Variants in PIP5K1C observed in about 807,000 individuals in gnomAD.
The protein encoded by PIP5K1C is phosphatidylinositol-4-phosphate 5-kinase type 1 gamma.
A neutral mutation model predicts 80.1 loss-of-function variants in PIP5K1C; 45 were observed. The observed-to-expected ratio is 0.56, with a 90% CI of 0.44 to 0.72. The LOEUF (loss-of-function observed/expected upper bound fraction) is 0.72, where lower values mean the gene tolerates loss of function less well. Among genes scored for constraint, PIP5K1C ranks in the 30% least tolerant of loss-of-function variants. The pLI is 0.00. For missense variants in PIP5K1C, 753 were observed against 954.6 expected (o/e 0.79, Z 2.78); for synonymous variants, 498 against 420.1 (o/e 1.19, Z -2.27).
At chr19:3,691,383 G>A (rs1018034639) in intron 1 of PIP5K1C, among the ~76,000 whole-genome samples, 9 of 152,152 alleles carry the variant, frequency 5.9e-5, no homozygotes, top group South Asian at 2.1e-4. Context: ...ATTCCTAAAC[G>A]TTGCAAACGG....
chr19:3,678,464 GGAT>G (rs2035472052), intron 1 of PIP5K1C, among the ~76,000 whole-genome samples: 3 of 129,986 alleles, frequency 2.3e-5, no homozygotes, highest in African/African-American at 2.9e-5. Context: ...GAGGGATGGA[GGAT>G]GGAGGGATGG....
intron 1 of PIP5K1C, among the ~76,000 whole-genome samples, chr19:3,685,326 T>C (rs947295409): frequency 6.6e-6 from 1 of 152,100 alleles, no homozygotes; most frequent in Non-Finnish European, 1.5e-5. Flanking sequence ...TCGGCACAGG[T>C]AAAAAGACAG....
chr19:3,694,990 G>A (rs1301743762), intron 1 of PIP5K1C, among the ~76,000 whole-genome samples: 3 of 152,268 alleles, frequency 2.0e-5, no homozygotes, highest in Admixed American at 6.5e-5. Context: ...CCGCTGCAGC[G>A]TGGGGGCCAC....
chr19:3,638,944 C>T lies in PIP5K1C; in HGVS notation c.1860G>A (p.Glu620=). 3 of 1,612,412 alleles carry T rather than the reference C, an allele frequency of 1.9e-6. No homozygotes were observed. Among genetic ancestry groups the T allele is most frequent in the Non-Finnish European group, 2.5e-6 (3 of 1,179,904 alleles). ...CCGAGGCCTGGCTGGCAGGTGCGCC[C>T]TCCTCGTCTGAGGCCTGGCTGGCAG... ...VETASQASDE[E]GAPASQASDE... Residue 620 remains glutamate (E), a synonymous_variant, in exon 16 of 18, where the codon GAG becomes GAA. Transcript: ENST00000335312.
chr19:3,677,901 G>A (rs983659513), intron 1 of PIP5K1C, among the ~76,000 whole-genome samples: 1 of 101,680 alleles, frequency 9.8e-6, no homozygotes, highest in Non-Finnish European at 2.1e-5. Flanking sequence ...AGGGATGGAG[G>A]AGGGATGGAG....
chr19:3,686,534 C>A (rs1331625817), intron 1 of PIP5K1C, among the ~76,000 whole-genome samples: 2 of 150,006 alleles, frequency 1.3e-5, no homozygotes, highest in East Asian at 4.0e-4. Flanking sequence ...GTCTGACCAA[C>A]ATGGAGAAAC....
chr19:3,671,130 G>GGC (rs1350395972), intron 1 of PIP5K1C, among the ~76,000 whole-genome samples: 1 of 152,178 alleles, frequency 6.6e-6, no homozygotes, highest in African/African-American at 2.4e-5. Flanking sequence ...CGGGGGCCCG[G>GGC]GCGTCCCCCT....
At position 3,651,854 on chromosome 19, in the gene PIP5K1C, G is replaced by C. The variant is rs140488793; in HGVS notation, c.1099C>G (p.Arg367Gly). The change falls in exon 8 of 18, where the codon CGC (arginine) becomes GGC (glycine). Residue 367 changes from arginine (R) to glycine (G), a missense_variant. Around this residue, in one of 6 missense-constraint regions of PIP5K1C, gnomAD observed 114 missense variants for 152.4 expected, o/e 0.75. Coordinates refer to ENST00000335312, the MANE Select transcript of PIP5K1C (RefSeq NM_012398.3). ...AMESIQGGAA[R>G]GEAIESDDTM... ...TCATCCGATTCGATGGCCTCCCCGCGCGCGGCGCCACCCTGGATGGACTCC... is the reference window on the plus strand; with the variant it reads ...TCATCCGATTCGATGGCCTCCCCGCCCGCGGCGCCACCCTGGATGGACTCC... 1.2e-6 allele frequency: 2 copies of C among 1,612,384 alleles called. No individual in the cohort carries two copies. The highest frequency in any genetic ancestry group is 3.3e-5 in the Admixed American group (2 of 60,016).
intron 14 of PIP5K1C, 64 bp downstream of exon 14, chr19:3,642,843 C>A: frequency 7.3e-7 from 1 of 1,370,722 alleles, no homozygotes; most frequent in Non-Finnish European, 1.0e-6. Flanking sequence ...GGGCGGGAAA[C>A]GGAGCTGGGA....
chr19:3,672,010 G>A (rs541577284), intron 1 of PIP5K1C, among the ~76,000 whole-genome samples: 18 of 152,178 alleles, frequency 1.2e-4, no homozygotes, highest in African/African-American at 4.1e-4. Context: ...GGCCAGGCCC[G>A]AGGCGGGGGC....
chr19:3,655,032 C>G (rs2034572409), intron 6 of PIP5K1C, among the ~76,000 whole-genome samples: 1 of 137,258 alleles, frequency 7.3e-6, no homozygotes, highest in African/African-American at 2.8e-5. Context: ...CGCTTGAACC[C>G]AGGAGGCGGA....
chr19:3,673,399 C>T (rs2035270342), intron 1 of PIP5K1C, among the ~76,000 whole-genome samples: 1 of 152,188 alleles, frequency 6.6e-6, no homozygotes, highest in Non-Finnish European at 1.5e-5. Context: ...GTCATCCCCA[C>T]AACAGGGGTC....
chr19:3,665,457 T>TA (rs1030156108), intron 2 of PIP5K1C, among the ~76,000 whole-genome samples: 2 of 151,286 alleles, frequency 1.3e-5, no homozygotes, highest in Non-Finnish European at 2.9e-5. Flanking sequence ...GGGTATTTTT[T>TA]AAAAAAACAG....
intron 1 of PIP5K1C, among the ~76,000 whole-genome samples, chr19:3,698,907 C>T (rs1031381577): frequency 6.6e-6 from 1 of 151,308 alleles, no homozygotes; most frequent in South Asian, 2.1e-4. Context: ...AGATGCCAGA[C>T]CCTGACCTTC....
At position 3,633,426 on chromosome 19, in the gene PIP5K1C, G is replaced by A. The variant is rs778678421; in HGVS notation, c.2004+11C>T. The A allele has an allele frequency of 4.7e-6, 7 of 1,481,860 alleles. No homozygotes were observed. The highest frequency in any genetic ancestry group is 4.5e-6 in the Non-Finnish European group (5 of 1,114,190). The allele number at this position is 1,481,860 out of a possible 1,614,324, so 91.8% of individuals were successfully genotyped here. On this transcript the variant is annotated intron_variant, in intron 17 of 17. Coordinates refer to ENST00000335312, the MANE Select transcript of PIP5K1C (RefSeq NM_012398.3). ...CCACGGGACCGGCGGGTGCACCTGGGCTGCACTTACTGTGTCGCTCTCGCC... is the reference window on the plus strand; with the variant it reads ...CCACGGGACCGGCGGGTGCACCTGGACTGCACTTACTGTGTCGCTCTCGCC...
chr19:3,652,971 A>G (rs953442844), intron 7 of PIP5K1C, among the ~76,000 whole-genome samples: 17 of 152,200 alleles, frequency 1.1e-4, no homozygotes, highest in African/African-American at 3.9e-4. Context: ...GGGACATGTT[A>G]TAAGTGTTTT....
chr19:3,682,363 G>T (rs1246799571), intron 1 of PIP5K1C, among the ~76,000 whole-genome samples: 1 of 133,474 alleles, frequency 7.5e-6, no homozygotes, highest in African/African-American at 2.9e-5. Context: ...AACAGAGCAA[G>T]ACTCCATCTA....
chr19:3,670,530 G>A (rs529702378), intron 1 of PIP5K1C, among the ~76,000 whole-genome samples: 9 of 152,358 alleles, frequency 5.9e-5, no homozygotes, highest in African/African-American at 2.2e-4. Context: ...GCCCACTCCT[G>A]GACCTCAGGC....
intron 2 of PIP5K1C, among the ~76,000 whole-genome samples, chr19:3,666,445 A>G (rs1166662689): frequency 2.6e-5 from 4 of 152,256 alleles, no homozygotes; most frequent in Non-Finnish European, 5.9e-5. Context: ...GACAGGACCC[A>G]TGTACATGCA....
Sources: allele counts gnomAD v4.1 joint callset (sites outside exome capture counted in the v4.1 genomes callset), GRCh38; gene constraint gnomAD v4.1.1; regional missense constraint gnomAD v4.1.1; transcripts MANE v1.5; gene names NCBI Gene and HGNC (gene_info 2026-07-23, HGNC 2026-07-21).